The following GAB1 variants were observed in gnomAD, a reference collection of about 807,000 sequenced individuals.
The protein encoded by GAB1 is GRB2 associated binding protein 1.
In GAB1, 19 loss-of-function variants were observed where a neutral mutation model predicts 66.5. That is an observed-to-expected ratio of 0.29 (90% CI 0.20 to 0.42). The LOEUF (loss-of-function observed/expected upper bound fraction) is 0.42. Ranked by LOEUF, GAB1 falls within the 10% of genes least tolerant of loss-of-function variation. The pLI is 1.00. For synonymous variants in GAB1, 294 were observed against 301.4 expected, an observed-to-expected ratio of 0.98 and a Z score of 0.25; for missense variants, 732 against 858.5, an observed-to-expected ratio of 0.85 and a Z score of 1.84.
chr4:143,380,125 T>A (rs192942371), intron 1 of GAB1, among the ~76,000 whole-genome samples: 54 of 151,658 alleles, frequency 3.6e-4, no homozygotes, highest in African/African-American at 1.1e-3. Flanking sequence ...TCAGTTTTTT[T>A]ATTCATAAAA....
chr4:143,409,841 G>A (rs1039099252), intron 1 of GAB1, among the ~76,000 whole-genome samples: 28 of 152,236 alleles, frequency 1.8e-4, no homozygotes, highest in Non-Finnish European at 1.6e-4. Flanking sequence ...AGAATGAGAC[G>A]TAAGCTTGAA....
chr4:143,349,151 T>A lies in GAB1; in HGVS notation c.72+11891T>A. Reference sequence around the variant, plus strand: ...TTTGTGAGCCCCAGGTACATTTGCCTTCATAGGTCCCCCCCTTCCTAGATT... The same window carrying A: ...TTTGTGAGCCCCAGGTACATTTGCCATCATAGGTCCCCCCCTTCCTAGATT... On this transcript the variant is annotated intron_variant, in intron 1 of 9. Coordinates refer to ENST00000262994, the MANE Select transcript of GAB1 (RefSeq NM_002039.4). 7.1e-6 allele frequency: 3 copies of A among 424,420 alleles called. No individual in the cohort carries two copies. In the South Asian group the frequency reaches 1.2e-4, roughly 17 times the overall value. The allele number at this position is 424,420 out of a possible 1,614,324, so 26.3% of individuals were successfully genotyped here. A position where few individuals can be genotyped will look rare whatever the true frequency, so the allele number is the denominator to read the frequency against.
At chr4:143,428,663 G>A (rs1286348924) in intron 2 of GAB1, among the ~76,000 whole-genome samples, 1 of 152,128 alleles carries the variant, frequency 6.6e-6, no homozygotes, top group Non-Finnish European at 1.5e-5. Context: ...AGTTTAAAAT[G>A]TAGGCAAGAA....
intron 6 of GAB1, among the ~76,000 whole-genome samples, chr4:143,448,871 A>T (rs1734725800): frequency 6.7e-6 from 1 of 150,028 alleles, no homozygotes; most frequent in South Asian, 2.1e-4. Context: ...AGTTCTTTTA[A>T]TTGTGATGTT....
At chr4:143,458,880 C>T (rs1301754535) in intron 6 of GAB1, among the ~76,000 whole-genome samples, 1 of 151,770 alleles carries the variant, frequency 6.6e-6, no homozygotes, top group Non-Finnish European at 1.5e-5. Flanking sequence ...AAGATTCGAA[C>T]ATTTTTTCAG....
intron 9 of GAB1, among the ~76,000 whole-genome samples, chr4:143,468,784 G>A (rs28924075): frequency 0.42 from 63,116 of 151,578 alleles, 15,058 homozygotes; most frequent in African/African-American, 0.66. Context: ...TTAGCCAGGC[G>A]TGGTGGCACA....
chr4:143,455,644 C>T (rs998797448), intron 6 of GAB1, among the ~76,000 whole-genome samples: 5 of 152,196 alleles, frequency 3.3e-5, no homozygotes, highest in African/African-American at 7.2e-5. Context: ...GGTGTGTCAG[C>T]TCTCTGTGGC....
chr4:143,445,900 G>A (rs965911222), intron 6 of GAB1, among the ~76,000 whole-genome samples: 4 of 151,960 alleles, frequency 2.6e-5, no homozygotes, highest in South Asian at 2.1e-4. Context: ...CCATTAACTC[G>A]TCATTTAACA....
intron 1 of GAB1, among the ~76,000 whole-genome samples, chr4:143,404,096 ATAAG>A (rs1421197488): frequency 1.3e-5 from 2 of 152,224 alleles, no homozygotes; most frequent in Non-Finnish European, 2.9e-5. Flanking sequence ...TGAATGTTTC[ATAAG>A]AAACTAAGAA....
At chr4:143,420,794 T>C (rs906726204) in intron 2 of GAB1, among the ~76,000 whole-genome samples, 3 of 152,082 alleles carry the variant, frequency 2.0e-5, no homozygotes, top group African/African-American at 7.2e-5. Context: ...CTCTGTTTGA[T>C]ATTCTCCCCT....
At chr4:143,437,907 T>C (rs1186322303) in intron 3 of GAB1, 92 bp from the exon 4 acceptor site, 1 of 1,233,856 alleles carries the variant, frequency 8.1e-7, no homozygotes, top group Admixed American at 2.3e-5. Flanking sequence ...AGAAAAGCCC[T>C]ATCTTTTGAT....
At chr4:143,391,681 A>G (rs1365181582) in intron 1 of GAB1, 1 of 152,192 alleles carries the variant, frequency 6.6e-6, no homozygotes, top group Non-Finnish European at 1.5e-5. Context: ...ACTTTGTCCC[A>G]CGTAAAGAGG....
At chr4:143,349,939 A>G (rs1461836659) in intron 1 of GAB1, 2 of 1,595,160 alleles carry the variant, frequency 1.3e-6, no homozygotes, top group Non-Finnish European at 1.7e-6. Flanking sequence ...CTTGATCTTC[A>G]TGTCCTTGAC....
intron 1 of GAB1, among the ~76,000 whole-genome samples, chr4:143,373,044 AAC>A (rs36205621): frequency 0.082 from 12,119 of 147,854 alleles, 506 homozygotes; most frequent in African/African-American, 0.12. Context: ...TTCCTTTAAA[AAC>A]ACACACACAC....
At chr4:143,460,587 C>A in intron 8 of GAB1, 100 bp downstream of exon 8, 4 of 1,079,148 alleles carry the variant, frequency 3.7e-6, no homozygotes, top group Non-Finnish European at 5.2e-6. Context: ...TCTTTATATA[C>A]TTAAGAAAAA....
At chr4:143,464,424 T>G (rs930013466) in intron 8 of GAB1, among the ~76,000 whole-genome samples, 1 of 152,026 alleles carries the variant, frequency 6.6e-6, no homozygotes. Context: ...GAGACGGGGT[T>G]TCACCATGTT....
At chr4:143,425,115 A>C (rs891687451) in intron 2 of GAB1, 1 of 855,414 alleles carries the variant, frequency 1.2e-6, no homozygotes, top group African/African-American at 1.6e-5. Flanking sequence ...TGCAGCAGGA[A>C]CCCACTTAGG....
At chr4:143,449,779 A>G (rs1258786073) in intron 6 of GAB1, among the ~76,000 whole-genome samples, 1 of 151,840 alleles carries the variant, frequency 6.6e-6, no homozygotes, top group Non-Finnish European at 1.5e-5. Context: ...TGGAGCATTT[A>G]GTCCATTTAC....
In GAB1 at chr4:143,337,163, G is replaced by T; in HGVS notation, c.-26G>T. 2 of 1,558,996 alleles carry T rather than the reference G, an allele frequency of 1.3e-6. No individual in the cohort carries two copies. The highest frequency in any genetic ancestry group is 8.7e-7 in the Non-Finnish European group (1 of 1,150,914). On this transcript the variant is annotated 5_prime_UTR_variant, in exon 1 of 10. Transcript: ENST00000262994. ...CGCGCCCGCCGCCCCTCAGCTGCCC[G>T]GCCCGGAGCCCGAGACGCGCGCACC... is the stretch of plus-strand genomic sequence containing the variant.
Sources: allele counts gnomAD v4.1 joint callset (sites outside exome capture counted in the v4.1 genomes callset), GRCh38; gene constraint gnomAD v4.1.1; transcripts MANE v1.5; gene names NCBI Gene and HGNC (gene_info 2026-07-23, HGNC 2026-07-21).